The following MDFIC2 variants were observed in gnomAD, a reference collection of about 807,000 sequenced individuals.
The protein encoded by MDFIC2 is MyoD family inhibitor domain containing 2.
intron 2 of MDFIC2, among the ~76,000 whole-genome samples, chr3:70,281,588 T>C (rs1218347232): frequency 1.3e-5 from 2 of 152,022 alleles, no homozygotes; most frequent in African/African-American, 4.8e-5. Flanking sequence ...AACAAATTGC[T>C]CTAGTTATGT....
At chr3:70,259,034 G>C (rs1443094036) in intron 2 of MDFIC2, among the ~76,000 whole-genome samples, 1 of 152,148 alleles carries the variant, frequency 6.6e-6, no homozygotes, top group African/African-American at 2.4e-5. Context: ...GTGCTAATTA[G>C]AGAAAGATAC....
In MDFIC2 at chr3:70,195,991, A is replaced by T. The variant is rs960038905; in HGVS notation, c.*935T>A. On this transcript the variant is annotated 3_prime_UTR_variant, in exon 4 of 4. Coordinates refer to ENST00000567252, the MANE Select transcript of MDFIC2 (RefSeq NM_001364677.1). ...AAACATGGTTTCTGAAGCACATGCT[A>T]TATTAAGAAGCTTGGTGCTGAATAA... 6.6e-6 allele frequency among the ~76,000 whole-genome samples: 1 copy of T among 152,226 alleles called. No homozygotes were observed. Among genetic ancestry groups the T allele is most frequent in the Non-Finnish European group, 1.5e-5 (1 of 68,026 alleles).
intron 2 of MDFIC2, among the ~76,000 whole-genome samples, chr3:70,268,304 G>A (rs929721435): frequency 2.6e-5 from 4 of 151,820 alleles, no homozygotes; most frequent in Non-Finnish European, 4.4e-5. Context: ...AACACCCACC[G>A]TCTGTACTAA....
rs1701168965 is a variant in MDFIC2, at chr3:70,195,633, A to T, written c.*1293T>A. Among the ~76,000 whole-genome samples the T allele has an allele frequency of 6.6e-6, 1 of 152,148 alleles. No individual in the cohort carries two copies. Among genetic ancestry groups the T allele is most frequent in the South Asian group, 2.1e-4 (1 of 4,826 alleles). ...TGTTTCCCTAAATTACACACAAAAAAATTCCCTCAATTCTCCATTTCACTT... is the reference window on the plus strand; with the variant it reads ...TGTTTCCCTAAATTACACACAAAAATATTCCCTCAATTCTCCATTTCACTT... On this transcript the variant is annotated 3_prime_UTR_variant, in exon 4 of 4. Transcript: ENST00000567252.
intron 2 of MDFIC2, among the ~76,000 whole-genome samples, chr3:70,281,980 A>G (rs967291363): frequency 5.9e-5 from 9 of 152,172 alleles, no homozygotes; most frequent in Non-Finnish European, 1.0e-4. Flanking sequence ...CTGGCTTAGG[A>G]TGGAAGTCCA....
intron 2 of MDFIC2, among the ~76,000 whole-genome samples, chr3:70,224,084 T>G (rs1352283749): frequency 6.6e-6 from 1 of 152,118 alleles, no homozygotes; most frequent in African/African-American, 2.4e-5. Flanking sequence ...AAACACCAGG[T>G]TAGTGTAAAA....
chr3:70,250,745 G>T (rs1701757421), intron 2 of MDFIC2, among the ~76,000 whole-genome samples: 1 of 152,076 alleles, frequency 6.6e-6, no homozygotes, highest in Admixed American at 6.5e-5. Flanking sequence ...GAAGCATCTT[G>T]CAATTTGGGA....
At chr3:70,290,484 A>G (rs939243555) in intron 2 of MDFIC2, among the ~76,000 whole-genome samples, 1 of 152,154 alleles carries the variant, frequency 6.6e-6, no homozygotes, top group Non-Finnish European at 1.5e-5. Context: ...AGGGACATTT[A>G]AGTCTGCAGA....
At chr3:70,282,473 G>A (rs113294692) in intron 2 of MDFIC2, among the ~76,000 whole-genome samples, 3 of 152,146 alleles carry the variant, frequency 2.0e-5, no homozygotes, top group African/African-American at 7.2e-5. Context: ...GGCCTGCAAG[G>A]CCTGCTATGA....
At chr3:70,218,311 G>A (rs1576159161) in intron 2 of MDFIC2, among the ~76,000 whole-genome samples, 2 of 152,108 alleles carry the variant, frequency 1.3e-5, no homozygotes, top group Non-Finnish European at 2.9e-5. Context: ...TGCCTCCATT[G>A]TGTATGCATG....
In MDFIC2 at chr3:70,290,827, G is replaced by A. The variant is rs111254561; in HGVS notation, c.88+21059C>T. On this transcript the variant is annotated intron_variant, in intron 2 of 3. Coordinates refer to ENST00000567252, the MANE Select transcript of MDFIC2 (RefSeq NM_001364677.1). Reference sequence around the variant, plus strand: ...GGGTGGGAGTGACCCGATTTTCCAGGTGCGGTCCTCACCCCTTTCTTTGAC... The same window carrying A: ...GGGTGGGAGTGACCCGATTTTCCAGATGCGGTCCTCACCCCTTTCTTTGAC... Among the ~76,000 whole-genome samples, 24 of 152,268 alleles carry A rather than the reference G, an allele frequency of 1.6e-4. 1 individual carries two copies. Among genetic ancestry groups the A allele is most frequent in the African/African-American group, 5.3e-4 (22 of 41,566 alleles).
At chr3:70,226,389 T>C (rs1701507382) in intron 2 of MDFIC2, among the ~76,000 whole-genome samples, 1 of 151,986 alleles carries the variant, frequency 6.6e-6, no homozygotes, top group Admixed American at 6.6e-5. Flanking sequence ...TCCTATTCTG[T>C]TGGGTATAAT....
At chr3:70,306,614 A>T (rs960793913) in intron 2 of MDFIC2, among the ~76,000 whole-genome samples, 6 of 151,736 alleles carry the variant, frequency 4.0e-5, no homozygotes, top group Admixed American at 1.3e-4. Flanking sequence ...TCTCTCATGA[A>T]TTTTCCCATT....
In MDFIC2 at chr3:70,308,678, G is replaced by A. The variant is rs767305056; in HGVS notation, c.88+3208C>T. 6.8e-4 allele frequency among the ~76,000 whole-genome samples: 104 copies of A among 152,150 alleles called. 3 individuals carry two copies. Among genetic ancestry groups the A allele is most frequent in the East Asian group, 4.5e-3 (23 of 5,168 alleles). ...GAGTGCAGGAGAGTATTTCTTTTTT[G>A]TATTGTTCTCTGCCACACTTACACC... On this transcript the variant is annotated intron_variant, in intron 2 of 3. Transcript: ENST00000567252.
chr3:70,302,366 T>C (rs1000737505), intron 2 of MDFIC2, among the ~76,000 whole-genome samples: 6 of 152,140 alleles, frequency 3.9e-5, no homozygotes, highest in African/African-American at 1.4e-4. Flanking sequence ...TGGGCCATAA[T>C]CTTATAAAAG....
intron 2 of MDFIC2, among the ~76,000 whole-genome samples, chr3:70,216,358 T>A (rs1173548732): frequency 2.0e-5 from 3 of 151,406 alleles, no homozygotes; most frequent in Non-Finnish European, 4.4e-5. Flanking sequence ...TTCCTAGATG[T>A]CATTCATTTT....
chr3:70,227,629 C>T (rs2106741783), intron 2 of MDFIC2, among the ~76,000 whole-genome samples: 1 of 152,250 alleles, frequency 6.6e-6, no homozygotes, highest in South Asian at 2.1e-4. Context: ...CCATTGAAAC[C>T]GCAATTACTT....
intron 3 of MDFIC2, among the ~76,000 whole-genome samples, chr3:70,202,663 T>C (rs1265388296): frequency 1.3e-5 from 2 of 152,098 alleles, no homozygotes; most frequent in Non-Finnish European, 2.9e-5. Flanking sequence ...TCAACAGTGG[T>C]GTTTTGCTGG....
chr3:70,215,624 T>G (rs1701401152), intron 2 of MDFIC2, among the ~76,000 whole-genome samples: 1 of 152,132 alleles, frequency 6.6e-6, no homozygotes, highest in African/African-American at 2.4e-5. Context: ...TTGATATCCT[T>G]ACTAGATCCC....
Sources: allele counts gnomAD v4.1 joint callset (sites outside exome capture counted in the v4.1 genomes callset), GRCh38; gene constraint gnomAD v4.1.1; transcripts MANE v1.5; gene names NCBI Gene and HGNC (gene_info 2026-07-23, HGNC 2026-07-21).